CRISPLD1: variants seen among roughly 807,000 people sequenced by gnomAD.
The protein encoded by CRISPLD1 is cysteine-rich secretory protein LCCL domain-containing 1.
In CRISPLD1, 60 loss-of-function variants were observed where a neutral mutation model predicts 77.5. That is an observed-to-expected ratio of 0.77 (90% confidence interval 0.63 to 0.96). The LOEUF (loss-of-function observed/expected upper bound fraction) is 0.96, where lower values mean the gene tolerates loss of function less well. CRISPLD1 is among the 40% of genes least tolerant of loss of function. The pLI is 0.00. For missense variants in CRISPLD1, 623 were observed against 615.8 expected, an observed-to-expected ratio of 1.01 and a Z score of -0.12; for synonymous variants, 195 against 200.1, an observed-to-expected ratio of 0.97 and a Z score of 0.22.
intron 14 of CRISPLD1, among the ~76,000 whole-genome samples, chr8:75,031,156 A>G (rs1186938076): frequency 1.3e-5 from 2 of 152,078 alleles, no homozygotes; most frequent in Non-Finnish European, 2.9e-5. Context: ...TACTTGCATG[A>G]AAAACCTGGC....
At chr8:75,008,693 C>T (rs2128784183) in intron 2 of CRISPLD1, among the ~76,000 whole-genome samples, 1 of 152,090 alleles carries the variant, frequency 6.6e-6, no homozygotes, top group East Asian at 1.9e-4. Context: ...ATTATTTTAG[C>T]AATATTATAG....
intron 2 of CRISPLD1, among the ~76,000 whole-genome samples, chr8:74,997,888 G>A (rs544051346): frequency 1.3e-5 from 2 of 152,334 alleles, no homozygotes; most frequent in East Asian, 3.9e-4. Flanking sequence ...GGAATGCTCA[G>A]AAGTCTTGTT....
At chr8:75,006,752 C>G (rs962184803) in intron 2 of CRISPLD1, among the ~76,000 whole-genome samples, 1 of 151,974 alleles carries the variant, frequency 6.6e-6, no homozygotes, top group African/African-American at 2.4e-5. Flanking sequence ...TTAACAAATT[C>G]AGTGTCATCC....
chr8:74,990,628 C>T (rs1812557821), intron 2 of CRISPLD1, among the ~76,000 whole-genome samples: 2 of 148,684 alleles, frequency 1.3e-5, no homozygotes, highest in East Asian at 2.0e-4. Flanking sequence ...TGTACTGTTA[C>T]TCCACAGATA....
At chr8:74,991,757 T>C (rs2128780981) in intron 2 of CRISPLD1, among the ~76,000 whole-genome samples, 1 of 152,212 alleles carries the variant, frequency 6.6e-6, no homozygotes, top group Middle Eastern at 3.4e-3. Context: ...CTCGAACTCC[T>C]CACCTCAGGT....
intron 2 of CRISPLD1, among the ~76,000 whole-genome samples, chr8:75,008,173 T>A (rs1166536628): frequency 6.6e-6 from 1 of 152,172 alleles, no homozygotes; most frequent in Non-Finnish European, 1.5e-5. Flanking sequence ...GGAACAACTT[T>A]CAGATGTAGT....
At chr8:74,991,459 A>G (rs539737729) in intron 2 of CRISPLD1, among the ~76,000 whole-genome samples, 81 of 152,322 alleles carry the variant, frequency 5.3e-4, no homozygotes, top group African/African-American at 1.9e-3. Context: ...AAAGGGAAGC[A>G]TGTTGTCCAG....
At chr8:75,023,538 T>C (rs1813177120) in intron 12 of CRISPLD1, among the ~76,000 whole-genome samples, 1 of 152,188 alleles carries the variant, frequency 6.6e-6, no homozygotes, top group Non-Finnish European at 1.5e-5. Flanking sequence ...TATACAGTGT[T>C]ATACAAATTT....
In CRISPLD1 at chr8:75,020,036, G is replaced by A; in HGVS notation, c.1201G>A (p.Glu401Lys). Residue 401 changes from glutamate (E) to lysine (K), a missense_variant, in exon 12 of 15, where the codon GAA becomes AAA. Glu to Lys is a moderately conservative substitution (Grantham distance 56). Coordinates refer to ENST00000262207, the MANE Select transcript of CRISPLD1 (RefSeq NM_031461.6). ...GGCTGTGACTTGTGAAACAACTGTG[G>A]AACAGCTCTGTCCATTTCATAAGCC... The part of the protein sequence containing the change: ...VQAVTCETTV[E>K]QLCPFHKPAS... 1 of 1,614,092 alleles carries A rather than the reference G, an allele frequency of 6.2e-7. No homozygotes were observed. Among genetic ancestry groups the A allele is most frequent in the Non-Finnish European group, 8.5e-7 (1 of 1,179,986 alleles).
chr8:75,024,885 C>T lies in CRISPLD1; in HGVS notation c.1245-661C>T, dbSNP rs928050204. Among the ~76,000 whole-genome samples the T allele has an allele frequency of 2.0e-5, 3 of 152,162 alleles. No individual in the cohort carries two copies. The East Asian group carries it at 5.8e-4, about 29-fold the overall frequency. On this transcript the variant is annotated intron_variant, in intron 12 of 14. Coordinates refer to ENST00000262207, the MANE Select transcript of CRISPLD1 (RefSeq NM_031461.6). The stretch of plus-strand genomic sequence containing the variant: ...GGATTGAGGATAGAAAGGTTTCTGG[C>T]CTGAGCACTTGGAATCATGGAGGTG...
At position 75,032,624 on chromosome 8, in the gene CRISPLD1, A is replaced by C. The variant is rs1813371575; in HGVS notation, c.*382A>C. ...CCTCAGAAAATCATCTAGTGCATTT[A>C]AAAATAATCGACTCTAAAACTGAAA... On this transcript the variant is annotated 3_prime_UTR_variant, in exon 15 of 15. Transcript: ENST00000262207. 1 of 156,076 alleles carries C rather than the reference A, an allele frequency of 6.4e-6. No individual in the cohort carries two copies. Among genetic ancestry groups the C allele is most frequent in the Non-Finnish European group, 1.4e-5 (1 of 70,498 alleles). 9.7% of individuals were successfully genotyped at this position (156,076 alleles called of 1,614,324 possible). A position where few individuals can be genotyped will look rare whatever the true frequency, so the allele number is the denominator to read the frequency against.
At chr8:75,013,596 A>G (rs1812973993) in intron 4 of CRISPLD1, among the ~76,000 whole-genome samples, 1 of 152,156 alleles carries the variant, frequency 6.6e-6, no homozygotes, top group South Asian at 2.1e-4. Context: ...ATCATGTTGT[A>G]TAAGAAATCT....
chr8:75,013,119 G>T, intron 4 of CRISPLD1, 97 bp downstream of exon 4: 2 of 1,031,492 alleles, frequency 1.9e-6, no homozygotes, highest in South Asian at 3.6e-5. Context: ...TATTTAATAT[G>T]GTTATTAAAA....
intron 13 of CRISPLD1, among the ~76,000 whole-genome samples, chr8:75,027,431 T>G (rs1813252955): frequency 6.6e-6 from 1 of 152,248 alleles, no homozygotes; most frequent in Non-Finnish European, 1.5e-5. Flanking sequence ...GAACTTTTAA[T>G]TTTAGTCACG....
intron 2 of CRISPLD1, among the ~76,000 whole-genome samples, chr8:75,011,645 T>C (rs1812933335): frequency 6.6e-6 from 1 of 152,160 alleles, no homozygotes; most frequent in Non-Finnish European, 1.5e-5. Flanking sequence ...TGATTTAAAT[T>C]ATTTCTTTTT....
intron 2 of CRISPLD1, among the ~76,000 whole-genome samples, chr8:74,994,039 T>C (rs1309511056): frequency 6.6e-6 from 1 of 152,212 alleles, no homozygotes; most frequent in Non-Finnish European, 1.5e-5. Context: ...TTGAGGCATT[T>C]CGACATATGA....
intron 2 of CRISPLD1, among the ~76,000 whole-genome samples, chr8:74,996,079 A>C (rs192924757): frequency 6.6e-6 from 1 of 150,828 alleles, no homozygotes; most frequent in Non-Finnish European, 1.5e-5. Flanking sequence ...TTTTATATAT[A>C]TATACATGCA....
At chr8:75,018,638 G>C (rs1428908540) in intron 10 of CRISPLD1, among the ~76,000 whole-genome samples, 1 of 151,220 alleles carries the variant, frequency 6.6e-6, no homozygotes, top group Non-Finnish European at 1.5e-5. Flanking sequence ...AGCTGTTAGT[G>C]ATAACTCTTT....
intron 13 of CRISPLD1, chr8:75,026,704 A>G (rs1040492219): frequency 1.3e-5 from 2 of 152,226 alleles, no homozygotes; most frequent in African/African-American, 4.8e-5. Context: ...ATTCAATAGA[A>G]TATTAAGGGA....
Sources: gnomAD v4.1 joint callset for allele counts (sites outside exome capture counted in the v4.1 genomes callset) on GRCh38, gnomAD v4.1.1 for gene constraint, MANE v1.5 for transcripts, NCBI Gene and HGNC (gene_info 2026-07-23, HGNC 2026-07-21) for gene names.